SYN3: variants seen among roughly 807,000 people sequenced by gnomAD.
The protein encoded by SYN3 is synapsin-3.
SYN3 carries 35 observed loss-of-function variants against 65.8 expected under a neutral mutation model. The ratio of observed to expected loss-of-function variants is 0.53; its 90% CI spans 0.41 to 0.70. The LOEUF (loss-of-function observed/expected upper bound fraction) is 0.70, where lower values mean the gene tolerates loss of function less well. Ranked by LOEUF, SYN3 falls within the 30% of genes least tolerant of loss-of-function variation. The pLI is 0.00. For missense variants in SYN3, 680 were observed against 749.0 expected (o/e 0.91, Z 1.08); for synonymous variants, 270 against 292.9 (o/e 0.92, Z 0.80).
chr22:33,036,895 C>A (rs189960214), intron 1 of SYN3, among the ~76,000 whole-genome samples: 1 of 151,762 alleles, frequency 6.6e-6, no homozygotes, highest in South Asian at 2.1e-4. Flanking sequence ...TTCTCCATGT[C>A]GGTCAGGCTG....
At chr22:32,955,113 C>T (rs1361198947) in intron 3 of SYN3, among the ~76,000 whole-genome samples, 1 of 151,992 alleles carries the variant, frequency 6.6e-6, no homozygotes, top group East Asian at 1.9e-4. Flanking sequence ...TCCATATGAT[C>T]CAGTCTGCAC....
chr22:32,799,936 C>T (rs1050266169), intron 6 of SYN3, among the ~76,000 whole-genome samples: 1 of 152,116 alleles, frequency 6.6e-6, no homozygotes, highest in Non-Finnish European at 1.5e-5. Context: ...AGAAAAACAT[C>T]GAGAGACAGA....
chr22:32,654,734 T>C (rs2146968210), intron 6 of SYN3, among the ~76,000 whole-genome samples: 1 of 152,368 alleles, frequency 6.6e-6, no homozygotes, highest in Non-Finnish European at 1.5e-5. Context: ...TTGTCTCCCA[T>C]GCATGCTTCC....
rs766752090 is a variant in SYN3 at position 33,047,636 on chromosome 22, TG to T, written c.-163+10655del. 6.0e-4 allele frequency among the ~76,000 whole-genome samples: 91 copies of T among 152,014 alleles called. 1 individual carries two copies. The Middle Eastern group carries it at 0.014, about 23-fold the overall frequency. On this transcript the variant is annotated intron_variant, in intron 1 of 13. Coordinates refer to ENST00000358763, the MANE Select transcript of SYN3 (RefSeq NM_003490.4). ...TGTCATGTGGGGTTTCCTGAGGGCT[TG>T]CAGAAAGCTATCCAGAAGTGCCACT...
At chr22:33,049,692 C>T (rs758872362) in intron 1 of SYN3, among the ~76,000 whole-genome samples, 1 of 152,172 alleles carries the variant, frequency 6.6e-6, no homozygotes, top group Non-Finnish European at 1.5e-5. Flanking sequence ...GAACAAAAAC[C>T]ACACGGCATG....
intron 7 of SYN3, among the ~76,000 whole-genome samples, chr22:32,594,918 G>A (rs2059177540): frequency 6.6e-6 from 1 of 152,190 alleles, no homozygotes; most frequent in Non-Finnish European, 1.5e-5. Flanking sequence ...AAAGAAAGGT[G>A]TCTACTTGGC....
chr22:32,870,651 A>G (rs112470050), intron 4 of SYN3, among the ~76,000 whole-genome samples: 4 of 152,328 alleles, frequency 2.6e-5, no homozygotes, highest in African/African-American at 9.6e-5. Flanking sequence ...GAGAATGTCC[A>G]TCTCATTACA....
intron 7 of SYN3, among the ~76,000 whole-genome samples, chr22:32,594,993 C>T (rs2059178855): frequency 6.6e-6 from 1 of 152,174 alleles, no homozygotes; most frequent in Non-Finnish European, 1.5e-5. Flanking sequence ...TGTGTCTGGG[C>T]TCAAGTCCCC....
At chr22:33,033,097 C>T (rs1480023689) in intron 1 of SYN3, among the ~76,000 whole-genome samples, 2 of 148,236 alleles carry the variant, frequency 1.3e-5, no homozygotes, top group East Asian at 2.2e-4. Flanking sequence ...ACTGCAACCT[C>T]GGCCTCCCAA....
At chr22:32,633,210 C>T (rs531597367) in intron 6 of SYN3, among the ~76,000 whole-genome samples, 20 of 152,242 alleles carry the variant, frequency 1.3e-4, no homozygotes, top group African/African-American at 2.9e-4. Context: ...ATTATTTTTA[C>T]GAAATACTTC....
At chr22:32,755,529 T>C (rs562122224) in intron 6 of SYN3, among the ~76,000 whole-genome samples, 1 of 152,310 alleles carries the variant, frequency 6.6e-6, no homozygotes, top group East Asian at 1.9e-4. Flanking sequence ...TGATTCCAAC[T>C]CAGATCTTTT....
At chr22:32,663,269 G>A (rs1205696152) in intron 6 of SYN3, among the ~76,000 whole-genome samples, 2 of 151,498 alleles carry the variant, frequency 1.3e-5, no homozygotes, top group Non-Finnish European at 2.9e-5. Context: ...ATGTGAAACT[G>A]TAAGCCCATT....
intron 7 of SYN3, among the ~76,000 whole-genome samples, chr22:32,594,895 G>C (rs1254434140): frequency 6.6e-6 from 1 of 152,148 alleles, no homozygotes; most frequent in Non-Finnish European, 1.5e-5. Flanking sequence ...TTCACGTCTG[G>C]GTGGGCCTAC....
intron 6 of SYN3, among the ~76,000 whole-genome samples, chr22:32,619,424 A>G (rs1254540967): frequency 1.3e-5 from 2 of 152,212 alleles, no homozygotes; most frequent in Non-Finnish European, 2.9e-5. Context: ...ATTGGGTCAG[A>G]TAATCAACAG....
intron 4 of SYN3, among the ~76,000 whole-genome samples, chr22:32,878,535 T>C (rs2049039601): frequency 6.6e-6 from 1 of 152,192 alleles, no homozygotes. Flanking sequence ...GTGTTGAGTG[T>C]TATGTGATTT....
chr22:32,535,218 C>G (rs376986651), intron 9 of SYN3, among the ~76,000 whole-genome samples: 1 of 152,178 alleles, frequency 6.6e-6, no homozygotes, highest in African/African-American at 2.4e-5. Flanking sequence ...GGTGCCCCAG[C>G]CCATCCATTC....
chr22:33,057,098 G>A (rs980837857), intron 1 of SYN3, among the ~76,000 whole-genome samples: 5 of 152,298 alleles, frequency 3.3e-5, no homozygotes, highest in Admixed American at 2.6e-4. Flanking sequence ...CCCGGGCAGA[G>A]GGGGCTCCCT....
rs113311885 is a variant in SYN3 at position 32,875,686 on chromosome 22, G to A, written c.462-6561C>T. Among the ~76,000 whole-genome samples, 1,336 of 152,276 alleles carry A rather than the reference G, an allele frequency of 8.8e-3. 22 individuals are homozygous for A. Among genetic ancestry groups the A allele is most frequent in the African/African-American group, 0.03 (1,258 of 41,544 alleles). On this transcript the variant is annotated intron_variant, in intron 4 of 13. Coordinates refer to ENST00000358763, the MANE Select transcript of SYN3 (RefSeq NM_003490.4). ...AGGGGAAGAGAATGCCATGTGATGAGGGAGTCAGAGATTGGAGTGATGTGT... is the reference window on the plus strand; with the variant it reads ...AGGGGAAGAGAATGCCATGTGATGAAGGAGTCAGAGATTGGAGTGATGTGT...
intron 4 of SYN3, among the ~76,000 whole-genome samples, chr22:32,915,285 G>T (rs1331938524): frequency 6.6e-6 from 1 of 152,126 alleles, no homozygotes; most frequent in Admixed American, 6.5e-5. Context: ...AATAAAAAAA[G>T]AATTATTCAT....
Sources: gnomAD v4.1 joint callset for allele counts (sites outside exome capture counted in the v4.1 genomes callset) on GRCh38, gnomAD v4.1.1 for gene constraint, MANE v1.5 for transcripts, NCBI Gene and HGNC (gene_info 2026-07-23, HGNC 2026-07-21) for gene names.